The following ELP4 variants were observed in gnomAD, a reference collection of about 807,000 sequenced individuals.
The protein encoded by ELP4 is elongator acetyltransferase complex subunit 4.
Under a neutral mutation model 48.9 loss-of-function variants are expected in ELP4, and 51 were observed. The ratio of observed to expected loss-of-function variants is 1.04; its 90% confidence interval spans 0.83 to 1.32. The LOEUF (loss-of-function observed/expected upper bound fraction) is 1.32, where lower values mean the gene tolerates loss of function less well. Among genes scored for constraint, ELP4 ranks in the 40% most tolerant of loss-of-function variants. The pLI is 0.00. For missense variants in ELP4, 519 were observed against 514.6 expected (o/e 1.01, Z -0.08); for synonymous variants, 210 against 189.2 (o/e 1.11, Z -0.90).
At chr11:31,562,570 T>C (rs1234973235) in intron 3 of ELP4, among the ~76,000 whole-genome samples, 1 of 152,176 alleles carries the variant, frequency 6.6e-6, no homozygotes, top group Non-Finnish European at 1.5e-5. Context: ...GTCAATACCT[T>C]AACTTATAAA....
intron 1 of ELP4, among the ~76,000 whole-genome samples, chr11:31,519,829 C>CAA (rs1045221587): frequency 3.9e-5 from 3 of 76,006 alleles, no homozygotes; most frequent in Admixed American, 1.4e-4. Context: ...GACTCCATCT[C>CAA]AAAAAAAAAA....
intron 9 of ELP4, among the ~76,000 whole-genome samples, chr11:31,707,952 T>TGAAA (rs1487945309): frequency 6.6e-6 from 1 of 152,194 alleles, no homozygotes; most frequent in African/African-American, 2.4e-5. Flanking sequence ...TAATCACATA[T>TGAAA]GAAAAGTCCT....
At chr11:31,547,929 T>C (rs897217532) in intron 3 of ELP4, among the ~76,000 whole-genome samples, 2 of 152,082 alleles carry the variant, frequency 1.3e-5, no homozygotes, top group Non-Finnish European at 2.9e-5. Context: ...TTTGACAAAA[T>C]TCAACAACCC....
chr11:31,609,941 G>A (rs1957946233), intron 5 of ELP4, among the ~76,000 whole-genome samples: 1 of 152,018 alleles, frequency 6.6e-6, no homozygotes, highest in African/African-American at 2.4e-5. Flanking sequence ...AGTTACTCAG[G>A]AGACTAAGGT....
chr11:31,580,389 A>G (rs960540254), intron 3 of ELP4, among the ~76,000 whole-genome samples: 2 of 152,204 alleles, frequency 1.3e-5, no homozygotes, highest in African/African-American at 4.8e-5. Flanking sequence ...GTTCCTTTTA[A>G]TATTAATGTA....
chr11:31,693,919 T>G (rs958438367), intron 9 of ELP4, among the ~76,000 whole-genome samples: 12 of 152,272 alleles, frequency 7.9e-5, no homozygotes, highest in South Asian at 4.1e-4. Context: ...TCAGTGATGA[T>G]GAGCATTTTC....
At chr11:31,519,525 A>G (rs1956176886) in intron 1 of ELP4, among the ~76,000 whole-genome samples, 1 of 152,210 alleles carries the variant, frequency 6.6e-6, no homozygotes, top group Non-Finnish European at 1.5e-5. Flanking sequence ...ATATTATGGT[A>G]GTAATTTTAG....
chr11:31,764,513 C>G (rs1948006332), intron 9 of ELP4, among the ~76,000 whole-genome samples: 1 of 152,222 alleles, frequency 6.6e-6, no homozygotes, highest in South Asian at 2.1e-4. Flanking sequence ...GTCCAGCATT[C>G]ACCCAGAGTC....
At chr11:31,594,116 T>C (rs1025863774) in intron 3 of ELP4, among the ~76,000 whole-genome samples, 3 of 152,188 alleles carry the variant, frequency 2.0e-5, no homozygotes, top group African/African-American at 7.2e-5. Context: ...GAATTCTTTC[T>C]ATAGTACCGC....
chr11:31,559,044 C>A (rs1337046307), intron 3 of ELP4, among the ~76,000 whole-genome samples: 1 of 152,034 alleles, frequency 6.6e-6, no homozygotes, highest in Non-Finnish European at 1.5e-5. Context: ...TGTCAGCTCC[C>A]CAAATTAACA....
intron 9 of ELP4, among the ~76,000 whole-genome samples, chr11:31,720,117 T>G (rs187985610): frequency 1.6e-4 from 24 of 151,646 alleles, no homozygotes; most frequent in African/African-American, 5.8e-4. Flanking sequence ...AAGGGAAGAG[T>G]TAGGCACAGA....
chr11:31,697,944 T>C (rs1428125271), intron 9 of ELP4, among the ~76,000 whole-genome samples: 1 of 135,370 alleles, frequency 7.4e-6, no homozygotes, highest in East Asian at 2.2e-4. Flanking sequence ...TTCTACTACA[T>C]ATCAGAAAAT....
intron 2 of ELP4, among the ~76,000 whole-genome samples, chr11:31,524,942 G>A (rs1956275420): frequency 6.6e-6 from 1 of 152,068 alleles, no homozygotes; most frequent in East Asian, 1.9e-4. Context: ...CATGCCACTG[G>A]ACTCCAGCCT....
At chr11:31,536,316 A>G (rs1342253731) in intron 2 of ELP4, among the ~76,000 whole-genome samples, 1 of 151,996 alleles carries the variant, frequency 6.6e-6, no homozygotes. Context: ...GTGTTTGTTT[A>G]ACTTTTTTGG....
intron 9 of ELP4, among the ~76,000 whole-genome samples, chr11:31,757,333 G>A (rs529387004): frequency 6.6e-6 from 1 of 151,972 alleles, no homozygotes; most frequent in Non-Finnish European, 1.5e-5. Flanking sequence ...AAAGATCCCA[G>A]TTACATTTTT....
chr11:31,590,233 G>T (rs943620269), intron 3 of ELP4, among the ~76,000 whole-genome samples: 2 of 152,080 alleles, frequency 1.3e-5, no homozygotes, highest in African/African-American at 4.8e-5. Flanking sequence ...GCCCTGAATA[G>T]AGCAAGTACT....
chr11:31,522,596 A>G (rs1956233104), intron 2 of ELP4, among the ~76,000 whole-genome samples: 1 of 152,212 alleles, frequency 6.6e-6, no homozygotes, highest in South Asian at 2.1e-4. Context: ...TAACAATGCT[A>G]TTGTGCATAA....
chr11:31,767,246 G>A (rs907539598), intron 9 of ELP4: 2 of 152,182 alleles, frequency 1.3e-5, no homozygotes, highest in Admixed American at 1.3e-4. Context: ...GACCCTGGAT[G>A]AAATGACGGC....
At chr11:31,674,246 A>C (rs1420208780) in intron 9 of ELP4, among the ~76,000 whole-genome samples, 1 of 152,268 alleles carries the variant, frequency 6.6e-6, no homozygotes, top group East Asian at 1.9e-4. Flanking sequence ...ATATTATTTC[A>C]TAAACCTTTC....
Sources: gnomAD v4.1 joint callset for allele counts (sites outside exome capture counted in the v4.1 genomes callset) on GRCh38, gnomAD v4.1.1 for gene constraint, MANE v1.5 for transcripts, NCBI Gene and HGNC (gene_info 2026-07-23, HGNC 2026-07-21) for gene names.